The following USP34 variants were observed in gnomAD, a reference collection of about 807,000 sequenced individuals.
USP34 encodes ubiquitin specific peptidase 34, also known as ubiquitin carboxyl-terminal hydrolase 34.
Under a neutral mutation model 460.3 loss-of-function variants are expected in USP34, and 70 were observed. The ratio of observed to expected loss-of-function variants is 0.15; its 90% CI spans 0.13 to 0.19. The LOEUF (loss-of-function observed/expected upper bound fraction) is 0.19. Among genes scored for constraint, USP34 ranks in the 10% least tolerant of loss-of-function variants. The pLI is 1.00. For synonymous variants in USP34, 1,647 were observed against 1,405.3 expected (o/e 1.17, Z -3.85); for missense variants, 3,985 against 4,236.2 (o/e 0.94, Z 1.65).
chr2:61,455,803 G>C (rs1695420551), intron 1 of USP34, among the ~76,000 whole-genome samples: 1 of 152,110 alleles, frequency 6.6e-6, no homozygotes, highest in African/African-American at 2.4e-5. Flanking sequence ...ATGTTGATAT[G>C]CATTATCTTA....
chr2:61,458,050 T>C (rs1462815023), intron 1 of USP34, among the ~76,000 whole-genome samples: 3 of 152,156 alleles, frequency 2.0e-5, no homozygotes, highest in Non-Finnish European at 4.4e-5. Flanking sequence ...TAAACACTGA[T>C]CCTACCACAT....
chr2:61,239,308 A>T (rs762243071), intron 53 of USP34, among the ~76,000 whole-genome samples: 4,888 of 99,400 alleles, frequency 0.049, 108 homozygotes, highest in Middle Eastern at 0.083. Flanking sequence ...TGTCACACAC[A>T]CACACACACA....
chr2:61,430,071 C>T (rs1326913654), intron 1 of USP34, among the ~76,000 whole-genome samples: 4 of 152,006 alleles, frequency 2.6e-5, no homozygotes, highest in Admixed American at 2.0e-4. Flanking sequence ...AAAAATTAGC[C>T]GCGCGTGGTG....
intron 29 of USP34, among the ~76,000 whole-genome samples, chr2:61,298,364 C>CAAAAA (rs11417017): frequency 2.9e-4 from 14 of 48,040 alleles, no homozygotes; most frequent in Non-Finnish European, 4.4e-4. Flanking sequence ...TACAAAAATA[C>CAAAAA]AAAAAAAAAA....
chr2:61,394,150 CA>C (rs1693442767), intron 5 of USP34, among the ~76,000 whole-genome samples: 2 of 152,040 alleles, frequency 1.3e-5, no homozygotes, highest in Non-Finnish European at 2.9e-5. Context: ...TCTTTCTTTC[CA>C]TATCCACTGT....
At chr2:61,293,353 C>T in intron 33 of USP34, 111 bp downstream of exon 33, 2 of 676,750 alleles carry the variant, frequency 3.0e-6, no homozygotes, top group Middle Eastern at 2.6e-4. Context: ...TGCTATATTC[C>T]ATACTTTATT....
chr2:61,451,340 A>G (rs1695270493), intron 1 of USP34, among the ~76,000 whole-genome samples: 1 of 152,070 alleles, frequency 6.6e-6, no homozygotes, highest in African/African-American at 2.4e-5. Flanking sequence ...TGATGAAATA[A>G]TAAACAGCTT....
chr2:61,241,807 C>A lies in USP34; in HGVS notation c.6640G>T (p.Asp2214Tyr). The change falls in exon 52 of 80, where the codon GAT (aspartate) becomes TAT (tyrosine). Residue 2214 changes from aspartate (D) to tyrosine (Y), a missense_variant. Physicochemically the swap from Asp to Tyr is radical, Grantham distance 160. Coordinates refer to ENST00000398571, the MANE Select transcript of USP34 (RefSeq NM_014709.4). ...FGGEMTTKTY[D>Y]SVTDKFMDFS... The stretch of plus-strand genomic sequence containing the variant: ...TCCATAAATTTATCTGTAACAGAAT[C>A]ATAGGTCTTGGTCTGTTTAAAAATA... 6.5e-7 allele frequency: 1 copy of A among 1,536,956 alleles called. No homozygotes were observed. Among genetic ancestry groups the A allele is most frequent in the Non-Finnish European group, 8.8e-7 (1 of 1,137,266 alleles).
intron 32 of USP34, 66 bp from the exon 33 acceptor site, chr2:61,293,616 T>C (rs1283490078): frequency 8.5e-7 from 1 of 1,170,458 alleles, no homozygotes; most frequent in African/African-American, 1.5e-5. Flanking sequence ...TGCTTGTTGA[T>C]TCAGTAACTG....
intron 51 of USP34, 75 bp downstream of exon 51, chr2:61,245,135 C>G (rs946988255): frequency 9.3e-7 from 1 of 1,079,496 alleles, no homozygotes; most frequent in African/African-American, 1.6e-5. Flanking sequence ...TTAAGCGACT[C>G]TGCTATTGGA....
At chr2:61,191,586 A>G (rs923439799) in intron 76 of USP34, among the ~76,000 whole-genome samples, 5 of 152,108 alleles carry the variant, frequency 3.3e-5, no homozygotes, top group South Asian at 4.1e-4. Flanking sequence ...CTTGCTCAGG[A>G]TGGCTGCTTC....
chr2:61,376,842 C>G (rs1297938851), intron 8 of USP34, among the ~76,000 whole-genome samples: 1 of 152,190 alleles, frequency 6.6e-6, no homozygotes, highest in Non-Finnish European at 1.5e-5. Context: ...TGGAATTTCA[C>G]CATGTTGGCC....
At chr2:61,415,090 T>TA (rs1694154734) in intron 2 of USP34, among the ~76,000 whole-genome samples, 1 of 152,072 alleles carries the variant, frequency 6.6e-6, no homozygotes, top group South Asian at 2.1e-4. Flanking sequence ...CGTGGAATCT[T>TA]AGGGTTTTCC....
intron 1 of USP34, among the ~76,000 whole-genome samples, chr2:61,445,363 A>T (rs917404172): frequency 1.3e-5 from 2 of 151,448 alleles, no homozygotes; most frequent in African/African-American, 2.4e-5. Flanking sequence ...GTGAAACCCC[A>T]TCTCTACGAA....
intron 15 of USP34, among the ~76,000 whole-genome samples, chr2:61,345,965 CATA>C (rs1173843343): frequency 6.6e-6 from 1 of 152,130 alleles, no homozygotes; most frequent in Non-Finnish European, 1.5e-5. Context: ...TTTTGCCCAT[CATA>C]ATACCACCAC....
chr2:61,430,289 A>G (rs934798749), intron 1 of USP34, among the ~76,000 whole-genome samples: 12 of 152,068 alleles, frequency 7.9e-5, no homozygotes, highest in Non-Finnish European at 1.6e-4. Context: ...CCATAATCCC[A>G]GCTACTCAGT....
chr2:61,381,756 C>T (rs149157963), intron 6 of USP34, among the ~76,000 whole-genome samples: 1 of 152,272 alleles, frequency 6.6e-6, no homozygotes, highest in East Asian at 1.9e-4. Flanking sequence ...CCTCAGGTGA[C>T]TCCTATGGTT....
At chr2:61,401,732 G>C (rs1038492701) in intron 3 of USP34, among the ~76,000 whole-genome samples, 1 of 108,700 alleles carries the variant, frequency 9.2e-6, no homozygotes, top group African/African-American at 3.3e-5. Flanking sequence ...TTTTTTTTTT[G>C]TATTTTTAGT....
At chr2:61,251,664 A>C (rs1381604772) in intron 48 of USP34, among the ~76,000 whole-genome samples, 1 of 152,106 alleles carries the variant, frequency 6.6e-6, no homozygotes, top group East Asian at 1.9e-4. Context: ...TTTGTCCTCA[A>C]CTTTTGTGTG....
Sources: gnomAD v4.1 joint callset for allele counts (sites outside exome capture counted in the v4.1 genomes callset) on GRCh38, gnomAD v4.1.1 for gene constraint, MANE v1.5 for transcripts, NCBI Gene and HGNC (gene_info 2026-07-23, HGNC 2026-07-21) for gene names.